MAP4K4: variants seen among roughly 807,000 people sequenced by gnomAD.
The protein encoded by MAP4K4 is HPK/GCK-like kinase HGK.
In MAP4K4, 38 loss-of-function variants were observed where a neutral mutation model predicts 189.6. That is an observed-to-expected ratio of 0.20 (90% CI 0.15 to 0.26). MAP4K4 has a LOEUF of 0.26. Among genes scored for constraint, MAP4K4 ranks in the 10% least tolerant of loss-of-function variants. The pLI, the probability that MAP4K4 is intolerant of heterozygous loss-of-function variation, is 1.00. For missense variants in MAP4K4, 1,054 were observed against 1,726.9 expected, an observed-to-expected ratio of 0.61 and a Z score of 6.91; for synonymous variants, 610 against 624.3, an observed-to-expected ratio of 0.98 and a Z score of 0.34.
chr2:101,876,368 A>G (rs2098205145), intron 26 of MAP4K4, among the ~76,000 whole-genome samples: 1 of 152,172 alleles, frequency 6.6e-6, no homozygotes, highest in Non-Finnish European at 1.5e-5. Flanking sequence ...GTGACGGTAC[A>G]AGGTTAGAGA....
At chr2:101,864,136 G>A in intron 17 of MAP4K4, 85 bp downstream of exon 17, 3 of 705,708 alleles carry the variant, frequency 4.3e-6, no homozygotes, top group Middle Eastern at 1.1e-3. Context: ...TTATGGGTAT[G>A]CAACTTGACC....
intron 9 of MAP4K4, among the ~76,000 whole-genome samples, 160 bp from the exon 10 acceptor site, chr2:101,839,659 C>G (rs1161809558): frequency 6.6e-6 from 1 of 152,150 alleles, no homozygotes; most frequent in Non-Finnish European, 1.5e-5. Flanking sequence ...CTCAACAGTC[C>G]TGAGTTCCTA....
At chr2:101,874,391 G>A (rs945641515) in intron 26 of MAP4K4, 139 bp downstream of exon 26, 23 of 705,192 alleles carry the variant, frequency 3.3e-5, no homozygotes, top group Non-Finnish European at 1.6e-5. Flanking sequence ...GTTATATGCA[G>A]AGTGGTATAT....
At chr2:101,825,233 T>C (rs2096292802) in intron 4 of MAP4K4, 86 bp from the exon 5 acceptor site, 2 of 720,788 alleles carry the variant, frequency 2.8e-6, no homozygotes, top group South Asian at 1.8e-5. Flanking sequence ...TCTAGGTCTT[T>C]AGAAAAGAGA....
chr2:101,798,024 T>TC (rs1245980101), intron 3 of MAP4K4, among the ~76,000 whole-genome samples: 3 of 150,038 alleles, frequency 2.0e-5, no homozygotes, highest in South Asian at 2.1e-4. Context: ...ACTCAAATGA[T>TC]CCCCCCCATC....
In MAP4K4 at chr2:101,804,596, G is replaced by A. The variant is rs748754012; in HGVS notation, c.180+13820G>A. On this transcript the variant is annotated intron_variant, in intron 3 of 32. Transcript: ENST00000324219. Reference sequence around the variant, plus strand: ...ACCTTGTGCCAGTTTTCCTTTACCCGTGTTTCTTTTATGTCTAGACATTCC... The same window carrying A: ...ACCTTGTGCCAGTTTTCCTTTACCCATGTTTCTTTTATGTCTAGACATTCC... 5.3e-5 allele frequency among the ~76,000 whole-genome samples: 8 copies of A among 152,012 alleles called. No individual in the cohort carries two copies. The East Asian group carries it at 5.8e-4, about 11-fold the overall frequency.
chr2:101,851,033 A>G (rs1371964732), intron 12 of MAP4K4, among the ~76,000 whole-genome samples: 1 of 152,230 alleles, frequency 6.6e-6, no homozygotes, highest in Non-Finnish European at 1.5e-5. Context: ...CCAGTGGAGT[A>G]TATTTAACTA....
rs116092293 is a variant in MAP4K4, at chr2:101,779,364, C to G, written c.124-11356C>G. Among the ~76,000 whole-genome samples, 531 of 152,272 alleles carry G rather than the reference C, an allele frequency of 3.5e-3. 2 individuals are homozygous for G. The highest frequency in any genetic ancestry group is 0.012 in the African/African-American group (516 of 41,554). Reference sequence around the variant, plus strand: ...GGTTAGAGCACTGACTTTATCAACTCCACTAGATCTATTTAAGCCTTAGTA... The same window carrying G: ...GGTTAGAGCACTGACTTTATCAACTGCACTAGATCTATTTAAGCCTTAGTA... On this transcript the variant is annotated intron_variant, in intron 2 of 32. Coordinates refer to ENST00000324219, the Ensembl canonical transcript of MAP4K4.
Position 101,870,616 on chromosome 2 carries a change from C to A in MAP4K4, c.2760+201C>A, listed in dbSNP as rs532331528. The A allele has an allele frequency of 4.6e-5, 27 of 585,836 alleles. No individual in the cohort carries two copies. In the South Asian group the frequency reaches 4.8e-4, roughly 10 times the overall value. The allele number at this position is 585,836 out of a possible 1,614,324, so 36.3% of individuals were successfully genotyped here. ...AGAAGGTAGCGAGTAGTCTCCACCC[C>A]ACATCGCTGCTCCTCTGCATGTCTG... On this transcript the variant is annotated intron_variant, in intron 23 of 32. Coordinates refer to ENST00000324219, the Ensembl canonical transcript of MAP4K4.
intron 4 of MAP4K4, among the ~76,000 whole-genome samples, chr2:101,825,096 C>T (rs191205809): frequency 2.6e-5 from 4 of 152,170 alleles, no homozygotes; most frequent in East Asian, 1.9e-4. Flanking sequence ...TTGGGTGTGC[C>T]GTAGAATACC....
At chr2:101,720,999 A>G (rs2051562620) in intron 2 of MAP4K4, among the ~76,000 whole-genome samples, 1 of 152,210 alleles carries the variant, frequency 6.6e-6, no homozygotes, top group Non-Finnish European at 1.5e-5. Flanking sequence ...AAAGCACTGT[A>G]CTGTGGCTGA....
chr2:101,827,818 C>G (rs2096429922), intron 5 of MAP4K4, among the ~76,000 whole-genome samples: 1 of 152,168 alleles, frequency 6.6e-6, no homozygotes. Context: ...CAACCTTTGC[C>G]TGCTCTTTTA....
At chr2:101,870,576 G>A in intron 23 of MAP4K4, 161 bp downstream of exon 23, 3 of 891,938 alleles carry the variant, frequency 3.4e-6, no homozygotes, top group Non-Finnish European at 5.0e-6. Context: ...GGAGGCAGGT[G>A]TGTACTGCAT....
intron 2 of MAP4K4, among the ~76,000 whole-genome samples, chr2:101,785,727 T>TCC (rs2090613689): frequency 1.7e-4 from 1 of 5,988 alleles, no homozygotes; most frequent in Non-Finnish European, 2.8e-4. Flanking sequence ...TCTCTCTCTC[T>TCC]CTCTCTCTCT....
At chr2:101,832,939 A>C (rs1381100087) in intron 7 of MAP4K4, among the ~76,000 whole-genome samples, 1 of 152,192 alleles carries the variant, frequency 6.6e-6, no homozygotes, top group African/African-American at 2.4e-5. Flanking sequence ...TGTAATTTGT[A>C]TCAAGGAAAA....
At position 101,855,243 on chromosome 2, in the gene MAP4K4, A is replaced by G. The variant is rs1421718184; in HGVS notation, c.1234-734A>G. Among the ~76,000 whole-genome samples, 28 of 152,196 alleles carry G rather than the reference A, an allele frequency of 1.8e-4. 1 individual carries two copies. Among genetic ancestry groups the G allele is most frequent in the Non-Finnish European group, 4.1e-4 (28 of 68,022 alleles). On this transcript the variant is annotated intron_variant, in intron 12 of 32. Coordinates refer to ENST00000324219, the Ensembl canonical transcript of MAP4K4. ...GGGTAGAGGGTGGTTAAGAGTATGTATGGGCCGTAGAGGCAGAGCAGCTCT... is the reference window on the plus strand; with the variant it reads ...GGGTAGAGGGTGGTTAAGAGTATGTGTGGGCCGTAGAGGCAGAGCAGCTCT...
rs1047359494 is a variant in MAP4K4, at chr2:101,701,135, C to T, written c.123+2597C>T. Among the ~76,000 whole-genome samples the T allele has an allele frequency of 4.6e-5, 7 of 152,250 alleles. No individual in the cohort carries two copies. In the East Asian group the frequency reaches 5.8e-4, roughly 13 times the overall value. ...ATTTCAGGTAAAAAAAATCTGTAAG[C>T]TGAACAACTTGTCCTAATTTATTTT... On this transcript the variant is annotated intron_variant, in intron 2 of 32. Coordinates refer to ENST00000324219, the Ensembl canonical transcript of MAP4K4.
rs184291283 is a variant in MAP4K4 at position 101,788,832 on chromosome 2, T to C, written c.124-1888T>C. Among the ~76,000 whole-genome samples, 191 of 152,288 alleles carry C rather than the reference T, an allele frequency of 1.3e-3. 1 individual carries two copies. The highest frequency in any genetic ancestry group is 4.5e-3 in the African/African-American group (187 of 41,546). Reference sequence around the variant, plus strand: ...ATAGAGGGAAGCATAGACCATTTTCTGTTGCTCCTTATGGCTTTATTTATG... The same window carrying C: ...ATAGAGGGAAGCATAGACCATTTTCCGTTGCTCCTTATGGCTTTATTTATG... On this transcript the variant is annotated intron_variant, in intron 2 of 32. Coordinates refer to ENST00000324219, the Ensembl canonical transcript of MAP4K4.
chr2:101,699,851 A>C (rs1454049697), intron 2 of MAP4K4, among the ~76,000 whole-genome samples: 1 of 152,036 alleles, frequency 6.6e-6, no homozygotes, highest in Non-Finnish European at 1.5e-5. Context: ...CAGATTTTTG[A>C]ATTTGAAAGA....
Sources: gnomAD v4.1 joint callset for allele counts (sites outside exome capture counted in the v4.1 genomes callset) on GRCh38, gnomAD v4.1.1 for gene constraint, MANE v1.5 for transcripts, NCBI Gene and HGNC (gene_info 2026-07-23, HGNC 2026-07-21) for gene names.